Variants in ERICH1 observed in about 807,000 individuals in gnomAD.
ERICH1 encodes the protein glutamate-rich protein 1.
ERICH1 carries 56 observed loss-of-function variants against 39.6 expected under a neutral mutation model. The ratio of observed to expected loss-of-function variants is 1.41; its 90% CI spans 1.14 to 1.77. The LOEUF (loss-of-function observed/expected upper bound fraction) is 1.77, where lower values mean the gene tolerates loss of function less well. ERICH1 is among the 40% of genes most tolerant of loss of function. ERICH1 has a pLI of 0.00. For missense variants in ERICH1, 826 were observed against 575.4 expected (o/e 1.44, Z -4.45); for synonymous variants, 313 against 223.6 (o/e 1.40, Z -3.57).
chr8:670,507 G>T (rs80186221), intron 4 of ERICH1, among the ~76,000 whole-genome samples: 1 of 152,194 alleles, frequency 6.6e-6, no homozygotes, highest in Non-Finnish European at 1.5e-5. Flanking sequence ...GGACCGTGCA[G>T]GGACTGAGCT....
chr8:677,832 C>A (rs1282141107), intron 3 of ERICH1, among the ~76,000 whole-genome samples: 1 of 152,120 alleles, frequency 6.6e-6, no homozygotes, highest in African/African-American at 2.4e-5. Flanking sequence ...GGGCGACCCT[C>A]ATCACCCAGC....
chr8:616,569 G>C (rs1386886665), intron 3 of ERICH1: 5 of 455,870 alleles, frequency 1.1e-5, no homozygotes, highest in African/African-American at 2.0e-5. Flanking sequence ...CTGAAAAACA[G>C]ATCAAGTCAG....
chr8:662,616 C>T (rs1309700170), downstream of ERICH1, among the ~76,000 whole-genome samples: 1 of 152,108 alleles, frequency 6.6e-6, no homozygotes, highest in Non-Finnish European at 1.5e-5. Flanking sequence ...CTATTGCACT[C>T]CAGCGTGGGC....
At chr8:620,906 TTAAA>T (rs1468724440) in intron 3 of ERICH1, among the ~76,000 whole-genome samples, 1 of 152,186 alleles carries the variant, frequency 6.6e-6, no homozygotes, top group Non-Finnish European at 1.5e-5. Flanking sequence ...AAATAAAAAC[TTAAA>T]TAAACTTAGA....
intron 3 of ERICH1, among the ~76,000 whole-genome samples, chr8:680,856 T>A (rs1447206333): frequency 2.0e-5 from 3 of 152,174 alleles, no homozygotes; most frequent in Non-Finnish European, 4.4e-5. Flanking sequence ...CTGGCCCCAC[T>A]TCTGTGAGTC....
chr8:722,629 C>T (rs1817590484), intron 1 of ERICH1, among the ~76,000 whole-genome samples: 1 of 152,218 alleles, frequency 6.6e-6, no homozygotes, highest in Admixed American at 6.5e-5. Flanking sequence ...TAAAATCTAA[C>T]AGTTGGGTAT....
At chr8:684,432 A>G (rs1806839539) in intron 3 of ERICH1, among the ~76,000 whole-genome samples, 1 of 148,746 alleles carries the variant, frequency 6.7e-6, no homozygotes, top group Non-Finnish European at 1.5e-5. Context: ...AAATGAGGTT[A>G]TATTTGTGTG....
At chr8:713,047 C>G (rs1384554632) in intron 2 of ERICH1, among the ~76,000 whole-genome samples, 1 of 152,246 alleles carries the variant, frequency 6.6e-6, no homozygotes, top group Non-Finnish European at 1.5e-5. Flanking sequence ...CTCAGCAGGG[C>G]TGGCTTTGGA....
At chr8:723,359 T>C (rs1215954886) in intron 1 of ERICH1, among the ~76,000 whole-genome samples, 1 of 152,188 alleles carries the variant, frequency 6.6e-6, no homozygotes, top group Non-Finnish European at 1.5e-5. Context: ...GAGAACAAAA[T>C]CAGTTTATAA....
chr8:712,414 G>A (rs1467929207), intron 2 of ERICH1, among the ~76,000 whole-genome samples: 1 of 146,964 alleles, frequency 6.8e-6, no homozygotes, highest in African/African-American at 2.4e-5. Flanking sequence ...TAATATAAAT[G>A]ATACCGTGTT....
At chr8:626,260 T>C (rs1797589702) in intron 3 of ERICH1, 1 of 152,166 alleles carries the variant, frequency 6.6e-6, no homozygotes. Flanking sequence ...GAAATTGTGA[T>C]GGTTAAGAAA....
intron 2 of ERICH1, among the ~76,000 whole-genome samples, chr8:710,464 G>A (rs563914040): frequency 6.8e-4 from 101 of 148,972 alleles, no homozygotes; most frequent in African/African-American, 2.5e-3. Flanking sequence ...AGTCCTCTGG[G>A]CTCCACCTGC....
At chr8:638,032 G>A (rs1701683402) in intron 3 of ERICH1, among the ~76,000 whole-genome samples, 1 of 152,210 alleles carries the variant, frequency 6.6e-6, no homozygotes, top group East Asian at 1.9e-4. Context: ...GCAAAATAAT[G>A]ACTTTACACA....
chr8:662,672 T>G (rs563463793), downstream of ERICH1, among the ~76,000 whole-genome samples: 16 of 151,812 alleles, frequency 1.1e-4, no homozygotes, highest in Non-Finnish European at 2.1e-4. Context: ...AAATAAAAAA[T>G]AAAAAAAGAA....
At chr8:627,625 C>T (rs1003283954) in intron 3 of ERICH1, among the ~76,000 whole-genome samples, 1 of 152,244 alleles carries the variant, frequency 6.6e-6, no homozygotes, top group Admixed American at 6.5e-5. Context: ...GTCCATTTCA[C>T]TGGCCTTCAC....
chr8:665,380 C>G (rs1256577653), intron 5 of ERICH1, among the ~76,000 whole-genome samples: 1 of 152,208 alleles, frequency 6.6e-6, no homozygotes, highest in Non-Finnish European at 1.5e-5. Flanking sequence ...AGTGAAGGCC[C>G]TCCCCAAGGT....
intron 3 of ERICH1, among the ~76,000 whole-genome samples, chr8:638,605 C>A (rs899771424): frequency 6.6e-6 from 1 of 152,172 alleles, no homozygotes; most frequent in African/African-American, 2.4e-5. Context: ...GTGAAACTGT[C>A]TTGCGATGGA....
intron 3 of ERICH1, among the ~76,000 whole-genome samples, chr8:624,233 T>A (rs138038353): frequency 1.3e-5 from 2 of 151,672 alleles, no homozygotes; most frequent in Non-Finnish European, 2.9e-5. Context: ...ATGAGAAAGA[T>A]AGATGATGTA....
At chr8:709,395 G>C (rs931949940) in intron 2 of ERICH1, among the ~76,000 whole-genome samples, 6 of 152,170 alleles carry the variant, frequency 3.9e-5, no homozygotes, top group African/African-American at 1.4e-4. Flanking sequence ...GCCCTCAAGG[G>C]CCATAGCCTG....
Sources: gnomAD v4.1 joint callset for allele counts (sites outside exome capture counted in the v4.1 genomes callset) on GRCh38, gnomAD v4.1.1 for gene constraint, MANE v1.5 for transcripts, NCBI Gene and HGNC (gene_info 2026-07-23, HGNC 2026-07-21) for gene names.